The following GRIK1 variants were observed in gnomAD, a reference collection of about 807,000 sequenced individuals.
GRIK1 encodes the protein glutamate ionotropic receptor kainate type subunit 1, also known as glutamate receptor ionotropic, kainate 1.
Under a neutral mutation model 105.7 loss-of-function variants are expected in GRIK1, and 69 were observed. That is an observed-to-expected ratio of 0.65 (90% CI 0.54 to 0.80). The LOEUF (loss-of-function observed/expected upper bound fraction) is 0.80, where lower values mean the gene tolerates loss of function less well. Ranked by LOEUF, GRIK1 falls within the 30% of genes least tolerant of loss-of-function variation. The pLI is 0.00. For missense variants in GRIK1, 1,109 were observed against 1,167.3 expected (o/e 0.95, Z 0.73); for synonymous variants, 438 against 431.3 (o/e 1.02, Z -0.19).
intron 6 of GRIK1, among the ~76,000 whole-genome samples, chr21:29,648,919 C>T (rs34014438): frequency 9.9e-4 from 151 of 152,244 alleles, no homozygotes; most frequent in Non-Finnish European, 1.9e-3. Flanking sequence ...CCCAATGAAA[C>T]TGAAACCAAA....
chr21:29,803,460 G>A (rs374236896), intron 1 of GRIK1, among the ~76,000 whole-genome samples: 2 of 152,146 alleles, frequency 1.3e-5, no homozygotes, highest in African/African-American at 4.8e-5. Flanking sequence ...ATTCAGAAAA[G>A]TGTCAATAGA....
chr21:29,537,839 T>C lies in GRIK1; in HGVS notation c.2653A>G (p.Arg885Gly), dbSNP rs1190955428. ...RIRFYFRNKV[R>G]FHGRKKQSLG... is the part of the protein sequence containing the mutation. ...CTTTGTTTTTTTCTCCCATGAAACC[T>C]TACTTTGTTCCTAAAATAAAATCTA... The change falls in exon 17 of 18, where the codon AGG (arginine) becomes GGG (glycine). Residue 885 changes from arginine to glycine, a missense_variant. By Grantham distance (125) the Arg-to-Gly change is moderately radical. This residue lies in a region of GRIK1 where 161 missense variants were observed against 143.4 expected (regional missense o/e 1.12). Transcript: ENST00000327783. The C allele has an allele frequency of 3.9e-6, 6 of 1,530,316 alleles. No individual in the cohort carries two copies. The highest frequency in any genetic ancestry group is 5.4e-6 in the Non-Finnish European group (6 of 1,106,684). 94.8% of individuals were successfully genotyped at this position (1,530,316 alleles called of 1,614,324 possible).
At chr21:29,846,572 C>T (rs2068132794) in intron 1 of GRIK1, among the ~76,000 whole-genome samples, 1 of 152,126 alleles carries the variant, frequency 6.6e-6, no homozygotes, top group Non-Finnish European at 1.5e-5. Context: ...CTGAGATGCA[C>T]TAAGGACATC....
intron 1 of GRIK1, among the ~76,000 whole-genome samples, chr21:29,884,836 C>G (rs1162460260): frequency 1.3e-5 from 2 of 152,082 alleles, no homozygotes; most frequent in East Asian, 3.9e-4. Flanking sequence ...GTTATGATTA[C>G]TTAATTGCTG....
At chr21:29,608,057 A>G (rs2061656848) in intron 7 of GRIK1, among the ~76,000 whole-genome samples, 1 of 152,134 alleles carries the variant, frequency 6.6e-6, no homozygotes, top group Non-Finnish European at 1.5e-5. Flanking sequence ...TAATATTGGC[A>G]TGATGATTAC....
At chr21:29,573,064 C>T (rs571624772) in intron 14 of GRIK1, among the ~76,000 whole-genome samples, 1 of 152,258 alleles carries the variant, frequency 6.6e-6, no homozygotes, top group South Asian at 2.1e-4. Flanking sequence ...TGAGCCACAG[C>T]GCCTGGTGCT....
At chr21:29,693,553 TA>T (rs2063626372) in intron 2 of GRIK1, among the ~76,000 whole-genome samples, 2 of 152,168 alleles carry the variant, frequency 1.3e-5, no homozygotes, top group Non-Finnish European at 2.9e-5. Context: ...TGACCTTCCA[TA>T]ATGTTTTATT....
intron 1 of GRIK1, among the ~76,000 whole-genome samples, chr21:29,738,875 A>G (rs1378954250): frequency 2.0e-5 from 3 of 152,238 alleles, no homozygotes; most frequent in South Asian, 2.1e-4. Context: ...GCTCTTGGAA[A>G]CAATAATGCA....
At chr21:29,600,394 T>TA (rs1329746110) in intron 7 of GRIK1, among the ~76,000 whole-genome samples, 1 of 152,158 alleles carries the variant, frequency 6.6e-6, no homozygotes, top group Non-Finnish European at 1.5e-5. Flanking sequence ...TTTTATTAAA[T>TA]AAAAAGCGGT....
intron 1 of GRIK1, among the ~76,000 whole-genome samples, chr21:29,771,223 A>T (rs964942205): frequency 1.3e-5 from 2 of 152,224 alleles, no homozygotes; most frequent in African/African-American, 4.8e-5. Flanking sequence ...TGAATTATGT[A>T]GTTCCAAAAC....
intron 1 of GRIK1, among the ~76,000 whole-genome samples, chr21:29,867,042 A>T (rs894821415): frequency 1.3e-5 from 2 of 152,210 alleles, no homozygotes; most frequent in Non-Finnish European, 2.9e-5. Flanking sequence ...TTAATAAATT[A>T]CATACAAAAC....
rs112755848 is a variant in GRIK1 at position 29,784,828 on chromosome 21, A to G, written c.119-90765T>C. ...AGTTTAGTAAATTAAGGTGTAATAG[A>G]AATGAATGAATGAATTAATAAATAA... On this transcript the variant is annotated intron_variant, in intron 1 of 17. Transcript: ENST00000327783. Among the ~76,000 whole-genome samples the G allele has an allele frequency of 2.0e-5, 3 of 152,338 alleles. 1 individual carries two copies. The highest frequency in any genetic ancestry group is 7.2e-5 in the African/African-American group (3 of 41,578).
intron 1 of GRIK1, among the ~76,000 whole-genome samples, chr21:29,937,794 A>AAT (rs896016815): frequency 4.3e-4 from 28 of 65,844 alleles, no homozygotes; most frequent in Non-Finnish European, 6.3e-4. Flanking sequence ...TATTGTTCAG[A>AAT]ATATTTTTTT....
chr21:29,854,620 T>C (rs1026594766), intron 1 of GRIK1, among the ~76,000 whole-genome samples: 1 of 152,090 alleles, frequency 6.6e-6, no homozygotes, highest in Non-Finnish European at 1.5e-5. Context: ...GCCCCTTTGG[T>C]CATTATAAAC....
rs188731183 is a variant in GRIK1, at chr21:29,559,230, C to T, written c.2356+2394G>A. On this transcript the variant is annotated intron_variant, in intron 15 of 17. Transcript: ENST00000327783. ...TGGTGTTCTCATCTGATCTATGGCC[C>T]GTTTAACTAAAATCAGCAGTGATGA... 3.6e-3 allele frequency among the ~76,000 whole-genome samples: 549 copies of T among 152,164 alleles called. 3 individuals are homozygous for T. The highest frequency in any genetic ancestry group is 6.0e-3 in the Admixed American group (92 of 15,278).
intron 1 of GRIK1, among the ~76,000 whole-genome samples, chr21:29,912,211 G>T (rs973613485): frequency 6.6e-6 from 1 of 152,044 alleles, no homozygotes; most frequent in Admixed American, 6.6e-5. Flanking sequence ...TAAATCCAAA[G>T]GGCATCAGCC....
chr21:29,822,866 C>T (rs888695469), intron 1 of GRIK1, among the ~76,000 whole-genome samples: 2 of 152,024 alleles, frequency 1.3e-5, no homozygotes, highest in African/African-American at 4.8e-5. Context: ...CAATCACACT[C>T]AGCCTAATCT....
intron 1 of GRIK1, among the ~76,000 whole-genome samples, chr21:29,837,745 A>T (rs1343602321): frequency 6.6e-6 from 1 of 151,362 alleles, no homozygotes; most frequent in African/African-American, 2.5e-5. Context: ...TGATCATAAG[A>T]TTTAGAATAT....
intron 3 of GRIK1, among the ~76,000 whole-genome samples, chr21:29,680,565 G>A (rs2063352652): frequency 6.6e-6 from 1 of 152,164 alleles, no homozygotes; most frequent in Non-Finnish European, 1.5e-5. Context: ...GCTTTCCATG[G>A]TTTTAGCGAA....
Sources: allele counts gnomAD v4.1 joint callset (sites outside exome capture counted in the v4.1 genomes callset), GRCh38; gene constraint gnomAD v4.1.1; regional missense constraint gnomAD v4.1.1; transcripts MANE v1.5; gene names NCBI Gene and HGNC (gene_info 2026-07-23, HGNC 2026-07-21).